The following HABP4 variants were observed in gnomAD, a reference collection of about 807,000 sequenced individuals.
The protein encoded by HABP4 is intracellular hyaluronan-binding protein 4.
HABP4 carries 32 observed loss-of-function variants against 44.1 expected under a neutral mutation model. The observed-to-expected ratio is 0.73, with a 90% CI of 0.55 to 0.97. The LOEUF is 0.97. Ranked by LOEUF, HABP4 falls within the 50% of genes least tolerant of loss-of-function variation. HABP4 has a pLI of 0.00. For missense variants in HABP4, 503 were observed against 561.9 expected (o/e 0.90, Z 1.06); for synonymous variants, 216 against 218.0 (o/e 0.99, Z 0.08).
chr9:96,473,340 G>A (rs1832727428), intron 5 of HABP4, among the ~76,000 whole-genome samples: 2 of 152,048 alleles, frequency 1.3e-5, no homozygotes, highest in African/African-American at 2.4e-5. Flanking sequence ...AGAAACCTAC[G>A]AGTCATCCTT....
chr9:96,455,790 C>T (rs1422240390), intron 1 of HABP4, among the ~76,000 whole-genome samples: 2 of 150,658 alleles, frequency 1.3e-5, no homozygotes, highest in Non-Finnish European at 3.0e-5. Flanking sequence ...TGTAGTGGCT[C>T]ATGCCTGTAA....
intron 5 of HABP4, among the ~76,000 whole-genome samples, chr9:96,476,063 T>C (rs545247257): frequency 6.6e-6 from 1 of 152,286 alleles, no homozygotes; most frequent in East Asian, 1.9e-4. Context: ...ATCTTTCTTC[T>C]GCGCATATCA....
At chr9:96,474,392 G>T (rs988430695) in intron 5 of HABP4, among the ~76,000 whole-genome samples, 8 of 152,250 alleles carry the variant, frequency 5.3e-5, no homozygotes, top group African/African-American at 1.7e-4. Context: ...ATAATAGAGA[G>T]TAAATTATAG....
chr9:96,450,242 G>C lies in HABP4; in HGVS notation c.-38G>C, dbSNP rs191766212. The stretch of plus-strand genomic sequence containing the variant: ...GCCGGCTTCGCTGAGACGCGCTCGC[G>C]TGGGCTGCCCTCCCGGGCCCGCAGT... On this transcript the variant is annotated 5_prime_UTR_variant, in exon 1 of 8. Transcript: ENST00000375249. The surrounding 1 kb of genome is among the most constrained non-coding windows in gnomAD (Gnocchi z 4.8). The C allele has an allele frequency of 7.4e-7, 1 of 1,358,552 alleles. No individual in the cohort carries two copies. Among genetic ancestry groups the C allele is most frequent in the Non-Finnish European group, 9.6e-7 (1 of 1,045,394 alleles). 84.2% of individuals were successfully genotyped at this position (1,358,552 alleles called of 1,614,324 possible).
Position 96,465,457 on chromosome 9 carries a change from A to G in HABP4, c.633A>G (p.Arg211=). The change falls in exon 3 of 8, where the codon AGA becomes AGG. Residue 211 remains arginine, a synonymous_variant. Transcript: ENST00000375249. Reference sequence around the variant, plus strand: ...GAGTTTTTGACGCTTTTGACCAGAGAGGAAAGCGAGAATTTGAAAGATATG... The same window carrying G: ...GAGTTTTTGACGCTTTTGACCAGAGGGGAAAGCGAGAATTTGAAAGATATG... The part of the protein sequence containing the change: ...GNRVFDAFDQ[R]GKREFERYGG... The G allele has an allele frequency of 6.2e-7, 1 of 1,612,508 alleles. No homozygotes were observed. The highest frequency in any genetic ancestry group is 8.5e-7 in the Non-Finnish European group (1 of 1,178,482).
intron 1 of HABP4, among the ~76,000 whole-genome samples, chr9:96,457,252 G>C (rs1162835389): frequency 2.0e-5 from 3 of 151,926 alleles, no homozygotes; most frequent in African/African-American, 7.3e-5. Context: ...TGTGATCCCA[G>C]CTAATCTCTA....
At chr9:96,458,276 G>GT in intron 1 of HABP4, 103 bp from the exon 2 acceptor site, 1 of 1,200,676 alleles carries the variant, frequency 8.3e-7, no homozygotes. Flanking sequence ...CTCCTATGAC[G>GT]TTGATTTCTA....
At chr9:96,473,402 T>C (rs770951059) in intron 5 of HABP4, among the ~76,000 whole-genome samples, 1 of 152,222 alleles carries the variant, frequency 6.6e-6, no homozygotes, top group Non-Finnish European at 1.5e-5. Context: ...TCCTTCCCTC[T>C]GCTCTGGTGA....
chr9:96,461,358 A>G (rs1451903858), intron 2 of HABP4, among the ~76,000 whole-genome samples: 1 of 152,170 alleles, frequency 6.6e-6, no homozygotes, highest in Non-Finnish European at 1.5e-5. Flanking sequence ...TTGATTTTAA[A>G]TGACCAGTAA....
intron 1 of HABP4, 55 bp from the exon 2 acceptor site, chr9:96,458,324 G>T (rs973828287): frequency 6.8e-7 from 1 of 1,479,266 alleles, no homozygotes; most frequent in Non-Finnish European, 9.5e-7. Context: ...AAGTTTAATA[G>T]TGTGCTGTTG....
chr9:96,461,083 G>A (rs1199299809), intron 2 of HABP4, among the ~76,000 whole-genome samples: 5 of 152,170 alleles, frequency 3.3e-5, no homozygotes, highest in Non-Finnish European at 7.3e-5. Flanking sequence ...TTTCACAAGT[G>A]GGAAGCCTGA....
At chr9:96,486,487 A>G (rs917854930) in intron 6 of HABP4, among the ~76,000 whole-genome samples, 6 of 152,222 alleles carry the variant, frequency 3.9e-5, no homozygotes, top group East Asian at 1.9e-4. Flanking sequence ...TGCAGCTGAC[A>G]TGTTAGGTAA....
At chr9:96,459,527 G>A (rs544363235) in intron 2 of HABP4, among the ~76,000 whole-genome samples, 2 of 152,216 alleles carry the variant, frequency 1.3e-5, no homozygotes, top group East Asian at 3.9e-4. Flanking sequence ...CATTAAACCT[G>A]TTTATGTTAA....
intron 2 of HABP4, among the ~76,000 whole-genome samples, chr9:96,462,095 G>A (rs917138009): frequency 3.4e-5 from 5 of 147,356 alleles, no homozygotes; most frequent in South Asian, 2.2e-4. Context: ...GCAGTGAGCC[G>A]AGATCATGCC....
At chr9:96,463,515 A>G (rs1041598281) in intron 2 of HABP4, among the ~76,000 whole-genome samples, 1 of 152,110 alleles carries the variant, frequency 6.6e-6, no homozygotes, top group Non-Finnish European at 1.5e-5. Context: ...TCGGCTTCCC[A>G]AAGTGCTGGG....
At chr9:96,465,531 A>G in intron 3 of HABP4, 33 bp downstream of exon 3, 1 of 1,461,978 alleles carries the variant, frequency 6.8e-7, no homozygotes, top group Non-Finnish European at 9.6e-7. Flanking sequence ...TTTTCACTTT[A>G]AGATGGTGTC....
intron 1 of HABP4, among the ~76,000 whole-genome samples, chr9:96,453,637 C>G (rs1832325633): frequency 6.6e-6 from 1 of 152,180 alleles, no homozygotes; most frequent in South Asian, 2.1e-4. Flanking sequence ...TTTTCCTAGC[C>G]TTTCAGAATT....
At chr9:96,482,629 C>G (rs1267608227) in intron 5 of HABP4, among the ~76,000 whole-genome samples, 1 of 152,170 alleles carries the variant, frequency 6.6e-6, no homozygotes, top group Non-Finnish European at 1.5e-5. Flanking sequence ...AAAGGAAACC[C>G]CATGCCCATT....
chr9:96,470,789 C>G (rs1042721350), intron 4 of HABP4, among the ~76,000 whole-genome samples: 6 of 150,586 alleles, frequency 4.0e-5, no homozygotes, highest in African/African-American at 1.5e-4. Context: ...CCCAGTTACT[C>G]AGGAGGCTGA....
Sources: gnomAD v4.1 joint callset for allele counts (sites outside exome capture counted in the v4.1 genomes callset) on GRCh38, gnomAD v4.1.1 for gene constraint, Gnocchi (gnomAD v3.1) non-coding constraint, MANE v1.5 for transcripts, NCBI Gene and HGNC (gene_info 2026-07-23, HGNC 2026-07-21) for gene names.